Variants in RTN4 observed in about 807,000 individuals in gnomAD.
The protein encoded by RTN4 is reticulon 4.
In RTN4, 32 loss-of-function variants were observed where a neutral mutation model predicts 90.4. The ratio of observed to expected loss-of-function variants is 0.35; its 90% CI spans 0.27 to 0.48. The LOEUF (loss-of-function observed/expected upper bound fraction) is 0.48. RTN4 is among the 20% of genes least tolerant of loss of function. The pLI is 0.99. For missense variants in RTN4, 1,706 were observed against 1,430.2 expected (o/e 1.19, Z -3.11); for synonymous variants, 629 against 552.5 (o/e 1.14, Z -1.94).
intron 5 of RTN4, among the ~76,000 whole-genome samples, chr2:54,975,382 G>C (rs954355941): frequency 2.6e-5 from 4 of 152,148 alleles, no homozygotes; most frequent in Admixed American, 6.5e-5. Context: ...GACCTACTTA[G>C]TAGGTAACAA....
chr2:55,010,946 G>T (rs1238869364), intron 3 of RTN4, among the ~76,000 whole-genome samples: 2 of 152,148 alleles, frequency 1.3e-5, no homozygotes, highest in African/African-American at 4.8e-5. Flanking sequence ...AGTATTAATA[G>T]ATTCTTAGCT....
chr2:55,112,237 C>G (rs17046710), intron 1 of RTN4, among the ~76,000 whole-genome samples: 3,293 of 152,298 alleles, frequency 0.022, 128 homozygotes, highest in African/African-American at 0.075. Flanking sequence ...AAAGGTACCA[C>G]TGACTGAACA....
chr2:55,110,339 A>C (rs1449492287), intron 1 of RTN4, among the ~76,000 whole-genome samples: 3 of 151,134 alleles, frequency 2.0e-5, no homozygotes. Flanking sequence ...AAATTCTGGA[A>C]TCTCGTGCCT....
intron 1 of RTN4, among the ~76,000 whole-genome samples, chr2:55,045,908 A>G (rs953689450): frequency 1.3e-5 from 2 of 152,218 alleles, no homozygotes; most frequent in Non-Finnish European, 2.9e-5. Context: ...TTTTCTGCGC[A>G]TATCCTCAAA....
intron 2 of RTN4, among the ~76,000 whole-genome samples, chr2:55,065,429 A>T (rs992372494): frequency 6.6e-6 from 1 of 152,214 alleles, no homozygotes; most frequent in Admixed American, 6.5e-5. Context: ...AAGTAAGAAC[A>T]TACCTAAGAA....
At chr2:55,085,284 TGGGG>T (rs1405460843) in intron 1 of RTN4, among the ~76,000 whole-genome samples, 3 of 151,864 alleles carry the variant, frequency 2.0e-5, no homozygotes, top group African/African-American at 7.3e-5. Flanking sequence ...TAGGTGTGTG[TGGGG>T]GTGTGTGTGT....
At chr2:55,054,403 A>T (rs959894955), upstream of RTN4, among the ~76,000 whole-genome samples, 2 of 152,226 alleles carry the variant, frequency 1.3e-5, no homozygotes, top group African/African-American at 4.8e-5. Context: ...AGAATACAGC[A>T]CTACGCCAGA....
chr2:55,047,776 C>G (rs1388774714), intron 1 of RTN4, among the ~76,000 whole-genome samples: 1 of 152,132 alleles, frequency 6.6e-6, no homozygotes, highest in East Asian at 1.9e-4. Flanking sequence ...CATTCTCAAT[C>G]TCTAACAAAC....
intron 2 of RTN4, among the ~76,000 whole-genome samples, chr2:55,066,546 T>G (rs1573494052): frequency 6.6e-6 from 1 of 151,746 alleles, no homozygotes; most frequent in East Asian, 1.9e-4. Flanking sequence ...AATACAAAAA[T>G]TATCCGGGCA....
chr2:55,061,663 G>C (rs1668296310), intron 2 of RTN4, among the ~76,000 whole-genome samples: 2 of 152,104 alleles, frequency 1.3e-5, no homozygotes, highest in Admixed American at 1.3e-4. Flanking sequence ...TGATTGCTTC[G>C]TCAAGGTACC....
chr2:55,105,896 C>T (rs977030472), intron 1 of RTN4, among the ~76,000 whole-genome samples: 7 of 152,090 alleles, frequency 4.6e-5, no homozygotes, highest in African/African-American at 1.7e-4. Context: ...CAGAGGATCG[C>T]TTGCACCCAG....
chr2:55,045,314 T>C (rs1339120743), intron 1 of RTN4, among the ~76,000 whole-genome samples: 2 of 152,216 alleles, frequency 1.3e-5, no homozygotes, highest in Non-Finnish European at 2.9e-5. Flanking sequence ...TCGTCTTTCA[T>C]ACAGCCTCTT....
At chr2:54,985,346 A>C (rs189659748) in intron 4 of RTN4, among the ~76,000 whole-genome samples, 3 of 151,808 alleles carry the variant, frequency 2.0e-5, no homozygotes, top group Admixed American at 1.3e-4. Context: ...TTTTGTAGAG[A>C]TGGGAGTCTC....
chr2:55,022,930 C>CACACACACACA (rs1036253097), intron 3 of RTN4, among the ~76,000 whole-genome samples: 25 of 150,394 alleles, frequency 1.7e-4, no homozygotes, highest in Non-Finnish European at 2.4e-4. Context: ...CACACACACA[C>CACACACACACA]CCTGCTCTCC....
intron 1 of RTN4, among the ~76,000 whole-genome samples, chr2:55,097,038 T>C (rs141489336): frequency 3.3e-5 from 5 of 151,828 alleles, no homozygotes; most frequent in Non-Finnish European, 7.4e-5. Flanking sequence ...GAGATTATAC[T>C]AAGATAGTGA....
At chr2:55,129,263 A>T in the RTN4 span, among the ~76,000 whole-genome samples, 1 of 152,078 alleles carries the variant, frequency 6.6e-6, no homozygotes, top group Middle Eastern at 3.4e-3. Context: ...CTAAATTATC[A>T]TTGTTTTCTC....
chr2:55,124,969 C>A, the RTN4 span, among the ~76,000 whole-genome samples: 1 of 152,132 alleles, frequency 6.6e-6, no homozygotes, highest in Non-Finnish European at 1.5e-5. Flanking sequence ...GGGGAAAAGA[C>A]TCCCTGTTCA....
intron 1 of RTN4, among the ~76,000 whole-genome samples, chr2:55,036,354 C>G (rs989260959): frequency 6.6e-6 from 1 of 151,912 alleles, no homozygotes; most frequent in African/African-American, 2.4e-5. Flanking sequence ...GTAATCCCAG[C>G]ACTTTGGGAG....
intron 1 of RTN4, among the ~76,000 whole-genome samples, chr2:55,106,020 A>C (rs1057460313): frequency 1.2e-4 from 18 of 152,060 alleles, no homozygotes; most frequent in African/African-American, 4.1e-4. Context: ...TTTGTATCTT[A>C]TTTCTTTTCT....
Sources: allele counts gnomAD v4.1 joint callset (sites outside exome capture counted in the v4.1 genomes callset), GRCh38; gene constraint gnomAD v4.1.1; transcripts MANE v1.5; gene names NCBI Gene and HGNC (gene_info 2026-07-23, HGNC 2026-07-21).